The following CNDP1 variants were observed in gnomAD, a reference collection of about 807,000 sequenced individuals.
CNDP1 encodes the protein beta-Ala-His dipeptidase.
In CNDP1, 44 loss-of-function variants were observed where a neutral mutation model predicts 58.1. That is an observed-to-expected ratio of 0.76 (90% CI 0.60 to 0.97). CNDP1 has a LOEUF of 0.97. CNDP1 is among the 50% of genes least tolerant of loss of function. CNDP1 has a pLI of 0.00. For synonymous variants in CNDP1, 254 were observed against 252.6 expected, an observed-to-expected ratio of 1.01 and a Z score of -0.05; for missense variants, 616 against 655.1, an observed-to-expected ratio of 0.94 and a Z score of 0.65.
At chr18:74,579,891 C>T (rs1478791369) in intron 9 of CNDP1, among the ~76,000 whole-genome samples, 7 of 152,216 alleles carry the variant, frequency 4.6e-5, no homozygotes, top group Non-Finnish European at 1.0e-4. Flanking sequence ...AGAGGGGAAT[C>T]TCCCTCTGGG....
chr18:74,567,367 G>A lies in CNDP1; in HGVS notation c.690G>A (p.Leu230=). 1 of 1,614,156 alleles carries A rather than the reference G, an allele frequency of 6.2e-7. No homozygotes were observed. The change falls in exon 6 of 12, where the codon CTG becomes CTA. Residue 230 remains leucine (L), a synonymous_variant. Transcript: ENST00000358821. Reference sequence around the variant, plus strand: ...ACTACATTGTAATTTCAGATAACCTGTGGATCAGCCAAAGGAAGCCAGCAA... The same window carrying A: ...ACTACATTGTAATTTCAGATAACCTATGGATCAGCCAAAGGAAGCCAGCAA... ...GVDYIVISDN[L]WISQRKPAIT... is the part of the protein sequence containing the mutation.
At chr18:74,542,702 T>G (rs982681224) in intron 1 of CNDP1, among the ~76,000 whole-genome samples, 8 of 152,222 alleles carry the variant, frequency 5.3e-5, no homozygotes, top group Non-Finnish European at 4.4e-5. Context: ...AGTTTTAAAA[T>G]CTGATTTCGC....
chr18:74,574,708 T>C (rs1437555617), intron 7 of CNDP1: 1 of 152,200 alleles, frequency 6.6e-6, no homozygotes, highest in Non-Finnish European at 1.5e-5. Flanking sequence ...ATGCTTTCAA[T>C]ATTAAAGAAC....
chr18:74,584,182 G>A (rs1599105509), intron 11 of CNDP1: 4 of 381,442 alleles, frequency 1.0e-5, no homozygotes, highest in East Asian at 1.0e-4. Context: ...GATACTACAA[G>A]ATCTCCTAAG....
At chr18:74,552,154 C>T (rs895949439) in intron 1 of CNDP1, among the ~76,000 whole-genome samples, 7 of 152,194 alleles carry the variant, frequency 4.6e-5, no homozygotes, top group Non-Finnish European at 7.4e-5. Flanking sequence ...ACCTACTGGA[C>T]GCAGTTCTTA....
intron 5 of CNDP1, among the ~76,000 whole-genome samples, chr18:74,565,016 AG>A (rs1242867927): frequency 2.0e-5 from 3 of 152,356 alleles, no homozygotes; most frequent in East Asian, 3.9e-4. Context: ...CATATGGCTT[AG>A]GAGGCCTCAG....
intron 2 of CNDP1, among the ~76,000 whole-genome samples, chr18:74,558,036 C>G (rs996533392): frequency 6.6e-6 from 1 of 152,196 alleles, no homozygotes; most frequent in Non-Finnish European, 1.5e-5. Flanking sequence ...TATGGAGAAG[C>G]CAGCAGTCTC....
intron 2 of CNDP1, among the ~76,000 whole-genome samples, chr18:74,558,844 G>T (rs1981111853): frequency 6.6e-6 from 1 of 152,174 alleles, no homozygotes; most frequent in Admixed American, 6.5e-5. Flanking sequence ...GCAGGCCAGG[G>T]AATCTAAATG....
At chr18:74,578,062 T>C in intron 8 of CNDP1, 101 bp from the exon 9 acceptor site, 1 of 1,062,216 alleles carries the variant, frequency 9.4e-7, no homozygotes, top group Non-Finnish European at 1.4e-6. Flanking sequence ...AGTTAACGTG[T>C]CCTGAATGGT....
intron 1 of CNDP1, among the ~76,000 whole-genome samples, chr18:74,534,924 AT>A (rs1417297908): frequency 1.3e-5 from 2 of 152,210 alleles, no homozygotes; most frequent in African/African-American, 4.8e-5. Flanking sequence ...ATTAAATGGC[AT>A]TATTGTCAAG....
chr18:74,551,221 A>G (rs1469435135), intron 1 of CNDP1, among the ~76,000 whole-genome samples: 4 of 151,830 alleles, frequency 2.6e-5, no homozygotes, highest in Non-Finnish European at 5.9e-5. Flanking sequence ...TGCTGGCACC[A>G]TGCTTCCTGT....
In CNDP1 at chr18:74,576,874, C is replaced by T; in HGVS notation, c.847C>T (p.Leu283=). 4 of 1,605,964 alleles carry T rather than the reference C, an allele frequency of 2.5e-6. No individual in the cohort carries two copies. The highest frequency in any genetic ancestry group is 3.4e-6 in the Non-Finnish European group (4 of 1,176,634). ...TTTCTGTGTGTGTTTTGTAGGTAGC[C>T]TGGTAGACTCGTCTGGTCATATCCT... The part of the protein sequence containing the change: ...MADLVALLGS[L]VDSSGHILVP... Residue 283 remains leucine, a synonymous_variant, in exon 8 of 12, where the codon CTG becomes TTG. Coordinates refer to ENST00000358821, the MANE Select transcript of CNDP1 (RefSeq NM_032649.6).
At chr18:74,564,512 T>G (rs1981278634) in intron 5 of CNDP1, among the ~76,000 whole-genome samples, 1 of 152,184 alleles carries the variant, frequency 6.6e-6, no homozygotes, top group African/African-American at 2.4e-5. Flanking sequence ...GAAGTAAAAA[T>G]TATCCCGAGG....
chr18:74,546,267 G>A (rs978575393), intron 1 of CNDP1, among the ~76,000 whole-genome samples: 1 of 152,166 alleles, frequency 6.6e-6, no homozygotes, highest in African/African-American at 2.4e-5. Context: ...TCCAGACTGT[G>A]GGGAGTAAAA....
rs941033699 is a variant in CNDP1 at position 74,585,630 on chromosome 18, A to G, written c.*1068A>G. ...CAAAATCAATCTTTATGAATTTATT[A>G]TTTAAATCACATTAATGGAGAATCA... On this transcript the variant is annotated 3_prime_UTR_variant, in exon 12 of 12. Transcript: ENST00000358821. 2.6e-5 allele frequency: 4 copies of G among 152,222 alleles called. No homozygotes were observed. The highest frequency in any genetic ancestry group is 9.6e-5 in the African/African-American group (4 of 41,458). 9.4% of individuals were successfully genotyped at this position (152,222 alleles called of 1,614,324 possible). A position where few individuals can be genotyped will look rare whatever the true frequency, so the allele number is the denominator to read the frequency against.
intron 1 of CNDP1, 37 bp from the exon 2 acceptor site, chr18:74,556,301 G>A (rs370380543): frequency 5.6e-5 from 90 of 1,600,416 alleles, no homozygotes; most frequent in Non-Finnish European, 7.5e-5. Flanking sequence ...AACTGGCATT[G>A]ATTTTCATTC....
At chr18:74,559,577 C>A (rs1168510113) in intron 3 of CNDP1, 105 bp downstream of exon 3, 3 of 934,344 alleles carry the variant, frequency 3.2e-6, no homozygotes, top group East Asian at 2.7e-5. Context: ...TCAACCACAA[C>A]CCCCCATAAC....
In CNDP1 at chr18:74,545,306, G is replaced by A. The variant is rs73971285; in HGVS notation, c.24+10615G>A. On this transcript the variant is annotated intron_variant, in intron 1 of 11. Coordinates refer to ENST00000358821, the MANE Select transcript of CNDP1 (RefSeq NM_032649.6). This position sits in a 1 kb window ranked among gnomAD's most constrained non-coding sequence, Gnocchi z 4.1. ...CCAAAAGGTGGCCTGAGATGCCATC[G>A]CCAGAGGTGGCCAAGCCCTGGAGTC... Among the ~76,000 whole-genome samples, 3,287 of 152,204 alleles carry A rather than the reference G, an allele frequency of 0.022. 130 individuals carry two copies. The highest frequency in any genetic ancestry group is 0.076 in the African/African-American group (3,136 of 41,504).
At chr18:74,552,694 T>C (rs1482278543) in intron 1 of CNDP1, among the ~76,000 whole-genome samples, 1 of 152,254 alleles carries the variant, frequency 6.6e-6, no homozygotes, top group Non-Finnish European at 1.5e-5. Context: ...AATGAACATT[T>C]GTCTTGTTTC....
Sources: gnomAD v4.1 joint callset for allele counts (sites outside exome capture counted in the v4.1 genomes callset) on GRCh38, gnomAD v4.1.1 for gene constraint, Gnocchi (gnomAD v3.1) non-coding constraint, MANE v1.5 for transcripts, NCBI Gene and HGNC (gene_info 2026-07-23, HGNC 2026-07-21) for gene names.